Variants in FER observed in about 807,000 individuals in gnomAD.
FER encodes FER tyrosine kinase.
Under a neutral mutation model 111.0 loss-of-function variants are expected in FER, and 63 were observed. The observed-to-expected ratio is 0.57, with a 90% CI of 0.46 to 0.70. FER has a LOEUF of 0.70. FER is among the 30% of genes least tolerant of loss of function. The pLI is 0.00. For missense variants in FER, 914 were observed against 954.0 expected (o/e 0.96, Z 0.55); for synonymous variants, 327 against 313.9 (o/e 1.04, Z -0.44).
intron 10 of FER, among the ~76,000 whole-genome samples, chr5:108,903,945 AATG>A (rs371474316): frequency 5.3e-4 from 81 of 152,344 alleles, no homozygotes; most frequent in African/African-American, 1.9e-3. Flanking sequence ...CACAAGTGTA[AATG>A]ATATGCCTGC....
intron 11 of FER, among the ~76,000 whole-genome samples, chr5:108,951,517 T>C (rs1169468745): frequency 1.3e-5 from 2 of 152,176 alleles, no homozygotes; most frequent in African/African-American, 4.8e-5. Flanking sequence ...CCTAGTGTAT[T>C]ACTAAACTAG....
intron 17 of FER, among the ~76,000 whole-genome samples, chr5:109,175,475 A>G (rs569682772): frequency 5.6e-4 from 85 of 152,328 alleles, no homozygotes; most frequent in African/African-American, 1.9e-3. Context: ...ACTTAAAATA[A>G]GATCTGAAAC....
intron 17 of FER, among the ~76,000 whole-genome samples, chr5:109,124,878 C>G (rs905526659): frequency 6.6e-6 from 1 of 152,008 alleles, no homozygotes; most frequent in Admixed American, 6.5e-5. Flanking sequence ...AACCCCGTCT[C>G]CACTAAAAAT....
At chr5:109,013,083 TTTA>T (rs1029072720) in intron 13 of FER, among the ~76,000 whole-genome samples, 50 of 151,746 alleles carry the variant, frequency 3.3e-4, no homozygotes, top group African/African-American at 1.2e-4. Flanking sequence ...TTAATTTAAT[TTTA>T]TTATTATTAT....
At chr5:108,806,948 G>A (rs1468989067) in intron 3 of FER, among the ~76,000 whole-genome samples, 2 of 152,064 alleles carry the variant, frequency 1.3e-5, no homozygotes, top group East Asian at 1.9e-4. Context: ...AGATTTGGGA[G>A]GGGTCCAGGG....
chr5:108,883,478 A>G lies in FER; in HGVS notation c.1006A>G (p.Arg336Gly), dbSNP rs1430330298. Residue 336 changes from arginine (R) to glycine (G), a missense_variant, in exon 9 of 20, where the codon AGA becomes GGA. Arg to Gly is a moderately radical substitution (Grantham distance 125). This residue lies in a region of FER where 774 missense variants were observed against 782.6 expected (regional missense o/e 0.99). Coordinates refer to ENST00000281092, the MANE Select transcript of FER (RefSeq NM_005246.4). ...KEEAVLELEK[R>G]IEESSETCEK... ...GGAGGCTGTTTTGGAGTTAGAGAAG[A>G]GAATTGAAGAATCTTCTGAAACTTG... 1.2e-6 allele frequency: 2 copies of G among 1,608,082 alleles called. No homozygotes were observed. The highest frequency in any genetic ancestry group is 1.7e-5 in the Admixed American group (1 of 59,676).
At chr5:109,124,218 C>A (rs6895203) in intron 17 of FER, among the ~76,000 whole-genome samples, 2,777 of 152,260 alleles carry the variant, frequency 0.018, 78 homozygotes, top group African/African-American at 0.063. Context: ...CAGAGCAAGA[C>A]CCTGTCTCAA....
chr5:108,793,998 T>G (rs1329583655), intron 2 of FER, among the ~76,000 whole-genome samples: 1 of 152,142 alleles, frequency 6.6e-6, no homozygotes, highest in East Asian at 1.9e-4. Context: ...CTTGAAAAGT[T>G]GTAGTTATTA....
chr5:108,987,656 T>C (rs1199722280), intron 13 of FER, among the ~76,000 whole-genome samples: 2 of 152,198 alleles, frequency 1.3e-5, no homozygotes, highest in Non-Finnish European at 2.9e-5. Flanking sequence ...TCCTGAAACT[T>C]TGCCAAATTC....
chr5:109,041,071 A>G (rs1771111279), intron 14 of FER, among the ~76,000 whole-genome samples: 1 of 152,098 alleles, frequency 6.6e-6, no homozygotes, highest in African/African-American at 2.4e-5. Context: ...CATCCAGAAA[A>G]CTGGGAGTGT....
chr5:108,870,876 A>G (rs1056336973), intron 6 of FER, among the ~76,000 whole-genome samples: 4 of 152,078 alleles, frequency 2.6e-5, no homozygotes, highest in African/African-American at 9.7e-5. Context: ...AGAAATTTAG[A>G]TGTCATTCAA....
chr5:109,180,750 C>T lies in FER; in HGVS notation c.2052C>T (p.Asp684=). 6.2e-7 allele frequency: 1 copy of T among 1,610,516 alleles called. No homozygotes were observed. Among genetic ancestry groups the T allele is most frequent in the South Asian group, 1.1e-5 (1 of 90,290 alleles). The change falls in exon 18 of 20, where the codon GAC becomes GAT. Residue 684 remains aspartate (D), a synonymous_variant. Coordinates refer to ENST00000281092, the MANE Select transcript of FER (RefSeq NM_005246.4). ...YLESKNCIHR[D]LAARNCLVGE... is the part of the protein sequence containing the mutation. ...TCTGTGTCTTACTGTAACCTAGGGA[C>T]CTTGCTGCAAGAAACTGCCTGGTAG...
intron 8 of FER, among the ~76,000 whole-genome samples, chr5:108,879,701 A>AAATATATATATATATATATAT: frequency 1.4e-4 from 14 of 99,086 alleles, no homozygotes; most frequent in African/African-American, 4.8e-4. Context: ...ATTAAAAAAA[A>AAATATATATATATATATATAT]ATATATATAT....
chr5:108,844,422 A>G (rs1340828398), intron 5 of FER, among the ~76,000 whole-genome samples: 1 of 152,188 alleles, frequency 6.6e-6, no homozygotes, highest in African/African-American at 2.4e-5. Flanking sequence ...AAAGGTTTAT[A>G]TATTGTGTTT....
intron 3 of FER, among the ~76,000 whole-genome samples, chr5:108,802,006 G>GGTA (rs1756707652): frequency 6.6e-6 from 1 of 152,100 alleles, no homozygotes; most frequent in Non-Finnish European, 1.5e-5. Context: ...GGGGAGGCTA[G>GGTA]GTATTTCATC....
chr5:109,189,678 A>ATCTC lies in FER; in HGVS notation c.*2105_*2108dup, dbSNP rs1378780548. On this transcript the variant is annotated 3_prime_UTR_variant, in exon 20 of 20. Transcript: ENST00000281092. ...CCTTTTTTTTAGTATTTCTAAGTGA[A>ATCTC]TCTCTGTAATATTCTTTGTCTGTTT... 1 of 152,144 alleles carries ATCTC rather than the reference A, an allele frequency of 6.6e-6. No individual in the cohort carries two copies. Among genetic ancestry groups the ATCTC allele is most frequent in the Non-Finnish European group, 1.5e-5 (1 of 68,008 alleles). 9.4% of individuals were successfully genotyped at this position (152,144 alleles called of 1,614,324 possible). A position where few individuals can be genotyped will look rare whatever the true frequency, so the allele number is the denominator to read the frequency against.
chr5:109,115,584 CAA>C (rs1443216356), intron 17 of FER, among the ~76,000 whole-genome samples: 8 of 151,950 alleles, frequency 5.3e-5, no homozygotes, highest in African/African-American at 1.9e-4. Context: ...GTAAATAGTT[CAA>C]GTTATTTTTA....
chr5:108,992,296 T>C (rs369789204), intron 13 of FER, among the ~76,000 whole-genome samples: 4,267 of 152,288 alleles, frequency 0.028, 70 homozygotes, highest in African/African-American at 0.04. Flanking sequence ...GACACGGCAA[T>C]CATCCGATTT....
chr5:109,030,940 A>G (rs1259745833), intron 13 of FER, among the ~76,000 whole-genome samples: 1 of 151,992 alleles, frequency 6.6e-6, no homozygotes, highest in Non-Finnish European at 1.5e-5. Context: ...AGAAACAAAG[A>G]GGCCTCTTAG....
Sources: gnomAD v4.1 joint callset for allele counts (sites outside exome capture counted in the v4.1 genomes callset) on GRCh38, gnomAD v4.1.1 for gene constraint, gnomAD v4.1.1 regional missense constraint, MANE v1.5 for transcripts, NCBI Gene and HGNC (gene_info 2026-07-23, HGNC 2026-07-21) for gene names.